The following PNKD variants were observed in gnomAD, a reference collection of about 807,000 sequenced individuals.
PNKD encodes the protein probable thioesterase PNKD.
In PNKD, 36 loss-of-function variants were observed where a neutral mutation model predicts 45.3. The observed-to-expected ratio is 0.80, with a 90% confidence interval of 0.61 to 1.05. The LOEUF is 1.05. Among genes scored for constraint, PNKD ranks in the 50% least tolerant of loss-of-function variants. The pLI, the probability that PNKD is intolerant of heterozygous loss-of-function variation, is 0.00. For synonymous variants in PNKD, 197 were observed against 210.1 expected (o/e 0.94, Z 0.54); for missense variants, 511 against 506.6 (o/e 1.01, Z -0.08).
chr2:218,322,032 C>A (rs1191578285), intron 2 of PNKD, among the ~76,000 whole-genome samples: 1 of 149,406 alleles, frequency 6.7e-6, no homozygotes, highest in African/African-American at 2.5e-5. Flanking sequence ...AAGCGATTCT[C>A]CTGTCTCAGC....
chr2:218,306,411 C>T (rs1693403533), intron 2 of PNKD, among the ~76,000 whole-genome samples: 1 of 152,172 alleles, frequency 6.6e-6, no homozygotes, highest in Non-Finnish European at 1.5e-5. Flanking sequence ...CCCACCAGGA[C>T]AGATGCTGAT....
chr2:218,344,558 G>A lies in PNKD; in HGVS notation c.972G>A (p.Glu324=), dbSNP rs1399053272. 1.9e-6 allele frequency: 3 copies of A among 1,588,764 alleles called. No individual in the cohort carries two copies. The East Asian group carries it at 6.9e-5, about 36-fold the overall frequency. Residue 324 remains glutamate (E), a synonymous_variant, in exon 9 of 10, where the codon GAG becomes GAA. Coordinates refer to ENST00000273077, the MANE Select transcript of PNKD (RefSeq NM_015488.5). ...KMQWVQRQRL[E]RKGTCPSTLG... ...AGTGGGTGCAGCGGCAGCGGCTGGA[G>A]CGCAAGGGCACGGTGAGGGACTCGG...
At chr2:218,278,063 T>G in intron 2 of PNKD, 2 of 1,449,036 alleles carry the variant, frequency 1.4e-6, no homozygotes, top group Non-Finnish European at 1.9e-6. Flanking sequence ...TTGGCTCCTG[T>G]GCCTGGAGGA....
chr2:218,277,824 A>C, intron 2 of PNKD: 7 of 1,553,224 alleles, frequency 4.5e-6, no homozygotes, highest in Non-Finnish European at 5.3e-6. Context: ...CGGCCCAGAT[A>C]AGGTGGAGGA....
intron 2 of PNKD, chr2:218,275,472 T>G (rs1196243857): frequency 6.2e-7 from 1 of 1,611,752 alleles, no homozygotes; most frequent in Non-Finnish European, 8.5e-7. Context: ...GGGGGCTTGC[T>G]CCTTAATTGC....
At position 218,340,648 on chromosome 2, in the gene PNKD, C is replaced by A; in HGVS notation, c.466-80C>A. The A allele has an allele frequency of 1.0e-6, 1 of 980,724 alleles. No individual in the cohort carries two copies. Among genetic ancestry groups the A allele is most frequent in the Non-Finnish European group, 1.7e-6 (1 of 602,910 alleles). 60.8% of individuals were successfully genotyped at this position (980,724 alleles called of 1,614,324 possible). On this transcript the variant is annotated intron_variant, in intron 4 of 9. Transcript: ENST00000273077. This position sits in a 1 kb window ranked among gnomAD's most constrained non-coding sequence, Gnocchi z 4.2. ...CATGCTCTCCTCTCCTCTCCACCAGCGCCCACACTCCTGGCTCTTGCTGCT... is the reference window on the plus strand; with the variant it reads ...CATGCTCTCCTCTCCTCTCCACCAGAGCCCACACTCCTGGCTCTTGCTGCT...
At position 218,339,866 on chromosome 2, in the gene PNKD, G is replaced by C. The variant is rs2106292830; in HGVS notation, c.320G>C (p.Gly107Ala). The C allele has an allele frequency of 6.2e-7, 1 of 1,607,772 alleles. No individual in the cohort carries two copies. Among genetic ancestry groups the C allele is most frequent in the Non-Finnish European group, 8.5e-7 (1 of 1,177,166 alleles). ...AGGGCTCGGAATCGCTACCCTAAAGGCCACTCGAAAACCCAGCCCCGCCTC... is the reference window on the plus strand; with the variant it reads ...AGGGCTCGGAATCGCTACCCTAAAGCCCACTCGAAAACCCAGCCCCGCCTC... ...LRRARNRYPKGHSKTQPRLFN... is the reference protein window; with the variant it reads ...LRRARNRYPKAHSKTQPRLFN... The change falls in exon 3 of 10, where the codon GGC becomes GCC. Residue 107 changes from glycine (G) to alanine (A), a missense_variant. Gly to Ala is a moderately conservative substitution (Grantham distance 60). Transcript: ENST00000273077.
chr2:218,344,529 A>AT lies in PNKD; in HGVS notation c.944dup (p.Met315IlefsTer50). ...CGAGAACCTGGCCCGGGAGAGGAAG[A>AT]TGCAGTGGGTGCAGCGGCAGCGGCT... On this transcript the variant is annotated frameshift_variant, in exon 9 of 10. Coordinates refer to ENST00000273077, the MANE Select transcript of PNKD (RefSeq NM_015488.5). LOFTEE classifies it high-confidence loss of function. The AT allele has an allele frequency of 6.3e-7, 1 of 1,593,038 alleles. No homozygotes were observed. The highest frequency in any genetic ancestry group is 1.1e-5 in the South Asian group (1 of 88,332).
intron 2 of PNKD, among the ~76,000 whole-genome samples, chr2:218,293,970 C>T (rs1043388043): frequency 6.6e-6 from 1 of 151,512 alleles, no homozygotes; most frequent in Non-Finnish European, 1.5e-5. Flanking sequence ...TAAAAACTGC[C>T]CCCCATACAC....
chr2:218,343,717 C>T (rs1460264041), intron 8 of PNKD, 131 bp downstream of exon 8: 1 of 713,670 alleles, frequency 1.4e-6, no homozygotes, highest in Non-Finnish European at 2.5e-6. Flanking sequence ...ACAGCTCCAC[C>T]TCTAGGGGTA....
intron 2 of PNKD, 54 bp downstream of exon 2, chr2:218,271,603 G>A: frequency 6.6e-7 from 1 of 1,513,928 alleles, no homozygotes; most frequent in South Asian, 1.1e-5. Context: ...GTAGGGGAGG[G>A]CAGGACTTAG....
chr2:218,325,917 T>C (rs1452340382), intron 2 of PNKD, among the ~76,000 whole-genome samples: 2 of 152,192 alleles, frequency 1.3e-5, no homozygotes, highest in Non-Finnish European at 2.9e-5. Flanking sequence ...TTCCAGACCC[T>C]GCTCCTCATA....
At chr2:218,282,242 G>A (rs1365640332) in intron 2 of PNKD, 6 of 1,006,576 alleles carry the variant, frequency 6.0e-6, no homozygotes, top group Non-Finnish European at 8.3e-6. Flanking sequence ...TCAGCCTCAT[G>A]GGCCCACTTC....
At chr2:218,324,093 C>T (rs969473832) in intron 2 of PNKD, among the ~76,000 whole-genome samples, 3 of 152,222 alleles carry the variant, frequency 2.0e-5, no homozygotes, top group African/African-American at 7.2e-5. Context: ...TCGACCCTCC[C>T]CCGCTCACTC....
chr2:218,341,724 C>T, intron 6 of PNKD, 98 bp downstream of exon 6: 1 of 959,224 alleles, frequency 1.0e-6, no homozygotes, highest in Non-Finnish European at 1.6e-6. Context: ...GCAGGTGGAT[C>T]TTTGCCAGTG....
At chr2:218,316,278 T>TTC (rs1304378028) in intron 2 of PNKD, among the ~76,000 whole-genome samples, 1 of 145,612 alleles carries the variant, frequency 6.9e-6, no homozygotes, top group African/African-American at 2.5e-5. Context: ...CTTTTTTTTT[T>TTC]TTTTTTTTTG....
intron 2 of PNKD, among the ~76,000 whole-genome samples, chr2:218,275,871 C>T (rs1691152812): frequency 6.6e-6 from 1 of 152,164 alleles, no homozygotes; most frequent in African/African-American, 2.4e-5. Flanking sequence ...CAAGAGTGCC[C>T]ACAAAAATCA....
intron 2 of PNKD, chr2:218,334,642 A>G (rs1043161781): frequency 2.9e-6 from 2 of 700,366 alleles, no homozygotes; most frequent in Non-Finnish European, 5.2e-6. Context: ...GTGACAGAGC[A>G]AGACCCAAAA....
chr2:218,342,009 G>T lies in PNKD; in HGVS notation c.646G>T (p.Val216Leu). The change falls in exon 7 of 10, where the codon GTG (valine) becomes TTG (leucine). Residue 216 changes from valine (V) to leucine (L), a missense_variant. By Grantham distance (32) the Val-to-Leu change is conservative (BLOSUM62 1). Transcript: ENST00000273077. ...CCTGTGTCATCAAGATGTGGTCAGCGTGGGACGGCTTCAGATCCGGGCCCT... is the reference window on the plus strand; with the variant it reads ...CCTGTGTCATCAAGATGTGGTCAGCTTGGGACGGCTTCAGATCCGGGCCCT... ...HPLCHQDVVS[V>L]GRLQIRALAT... 3.7e-6 allele frequency: 6 copies of T among 1,613,832 alleles called. No individual in the cohort carries two copies. The highest frequency in any genetic ancestry group is 5.1e-6 in the Non-Finnish European group (6 of 1,179,676).
Sources: allele counts gnomAD v4.1 joint callset (sites outside exome capture counted in the v4.1 genomes callset), GRCh38; gene constraint gnomAD v4.1.1; non-coding constraint Gnocchi (gnomAD v3.1); transcripts MANE v1.5; gene names NCBI Gene and HGNC (gene_info 2026-07-23, HGNC 2026-07-21).